The following RABGAP1L variants were observed in gnomAD, a reference collection of about 807,000 sequenced individuals.
RABGAP1L encodes the protein RAB GTPase activating protein 1 like, also known as rab GTPase-activating protein 1-like.
Under a neutral mutation model 137.7 loss-of-function variants are expected in RABGAP1L, and 63 were observed. The observed-to-expected ratio is 0.46, with a 90% CI of 0.37 to 0.56. The LOEUF (loss-of-function observed/expected upper bound fraction) is 0.56, where lower values mean the gene tolerates loss of function less well. Ranked by LOEUF, RABGAP1L falls within the 20% of genes least tolerant of loss-of-function variation. RABGAP1L has a pLI of 0.00. For synonymous variants in RABGAP1L, 431 were observed against 433.7 expected (o/e 0.99, Z 0.08); for missense variants, 1,095 against 1,244.0 (o/e 0.88, Z 1.80).
chr1:174,267,740 T>C (rs1674191737), intron 7 of RABGAP1L, among the ~76,000 whole-genome samples: 1 of 152,220 alleles, frequency 6.6e-6, no homozygotes, highest in South Asian at 2.1e-4. Flanking sequence ...ATTTTTGTGC[T>C]TCAAACAACG....
chr1:174,292,528 G>A (rs906163635), intron 10 of RABGAP1L, among the ~76,000 whole-genome samples: 3 of 151,760 alleles, frequency 2.0e-5, no homozygotes, highest in African/African-American at 7.3e-5. Flanking sequence ...TCATTCAGAA[G>A]CATATTGTTT....
Position 174,640,996 on chromosome 1 carries a change from A to G in RABGAP1L, c.1824+3508A>G, listed in dbSNP as rs3004198. On this transcript the variant is annotated intron_variant, in intron 14 of 25. Transcript: ENST00000681986. ...TATTAATTAAATATAATTTTAGATT[A>G]TATTAATTAAATATAATTAATTAAA... Among the ~76,000 whole-genome samples the G allele has an allele frequency of 2.9e-3, 421 of 142,928 alleles. 3 individuals carry two copies. Among genetic ancestry groups the G allele is most frequent in the African/African-American group, 0.01 (401 of 38,528 alleles). The allele number at this position is 142,928 out of a possible 152,430, so 93.8% of individuals were successfully genotyped here. A position where few individuals can be genotyped will look rare whatever the true frequency, so the allele number is the denominator to read the frequency against.
At chr1:174,812,751 G>A (rs1472839323) in intron 19 of RABGAP1L, among the ~76,000 whole-genome samples, 3 of 152,152 alleles carry the variant, frequency 2.0e-5, no homozygotes, top group Non-Finnish European at 4.4e-5. Flanking sequence ...AGAGAGTAGG[G>A]GAAGATAAAG....
At chr1:174,875,099 T>C (rs1652865330) in intron 19 of RABGAP1L, among the ~76,000 whole-genome samples, 1 of 152,218 alleles carries the variant, frequency 6.6e-6, no homozygotes, top group Non-Finnish European at 1.5e-5. Context: ...AGGTTATAAA[T>C]TATAGAAGCT....
At chr1:174,669,113 G>A (rs1676996035) in intron 14 of RABGAP1L, among the ~76,000 whole-genome samples, 1 of 152,140 alleles carries the variant, frequency 6.6e-6, no homozygotes, top group Admixed American at 6.5e-5. Flanking sequence ...CAGCATGGTG[G>A]GGAGGTGTCA....
intron 19 of RABGAP1L, chr1:174,874,386 G>T (rs73035396): frequency 7.6e-6 from 6 of 786,428 alleles, no homozygotes; most frequent in South Asian, 5.8e-5. Flanking sequence ...GAAACCTAGC[G>T]AAGTTAAATG....
chr1:174,326,497 A>G (rs1680452640), intron 11 of RABGAP1L, among the ~76,000 whole-genome samples: 2 of 152,150 alleles, frequency 1.3e-5, no homozygotes, highest in Admixed American at 6.5e-5. Context: ...TCAAAACTAT[A>G]TAGTTGGAGG....
intron 18 of RABGAP1L, among the ~76,000 whole-genome samples, chr1:174,769,923 T>A (rs1264263451): frequency 1.3e-5 from 2 of 152,192 alleles, no homozygotes; most frequent in Non-Finnish European, 2.9e-5. Flanking sequence ...TAGTCTTTGA[T>A]GTACCAACTT....
intron 18 of RABGAP1L, among the ~76,000 whole-genome samples, chr1:174,791,822 G>C (rs2148798891): frequency 6.6e-6 from 1 of 152,284 alleles, no homozygotes; most frequent in Admixed American, 6.5e-5. Context: ...GTGCTTATCA[G>C]TTAAAAATTG....
intron 13 of RABGAP1L, among the ~76,000 whole-genome samples, chr1:174,564,931 G>A (rs189311288): frequency 0.013 from 2,039 of 152,016 alleles, 46 homozygotes; most frequent in African/African-American, 0.045. Context: ...CCCCCTGCCC[G>A]AAAAAAGTTA....
chr1:174,680,890 A>G (rs949085377), intron 14 of RABGAP1L, among the ~76,000 whole-genome samples: 1 of 152,142 alleles, frequency 6.6e-6, no homozygotes, highest in Non-Finnish European at 1.5e-5. Flanking sequence ...CTGCCTCCAA[A>G]AAAAACAAAA....
chr1:174,784,392 T>C (rs537740330), intron 18 of RABGAP1L, among the ~76,000 whole-genome samples: 1 of 152,296 alleles, frequency 6.6e-6, no homozygotes, highest in East Asian at 1.9e-4. Context: ...TCTTTAGTGC[T>C]CTGTTGTCAA....
At chr1:174,252,230 G>C (rs144814127) in intron 6 of RABGAP1L, among the ~76,000 whole-genome samples, 14 of 152,166 alleles carry the variant, frequency 9.2e-5, no homozygotes, top group African/African-American at 3.1e-4. Flanking sequence ...TTTAACTTTG[G>C]TTAGCAGACA....
intron 11 of RABGAP1L, among the ~76,000 whole-genome samples, chr1:174,346,063 T>C (rs1300120411): frequency 2.0e-5 from 3 of 152,224 alleles, no homozygotes; most frequent in Non-Finnish European, 4.4e-5. Flanking sequence ...TTTGTGTATG[T>C]TGAATCATAC....
At chr1:174,834,424 C>T (rs1361713291) in intron 19 of RABGAP1L, among the ~76,000 whole-genome samples, 2 of 99,100 alleles carry the variant, frequency 2.0e-5, no homozygotes, top group Non-Finnish European at 4.8e-5. Flanking sequence ...GAAACTCCGT[C>T]TGAAAAAAAA....
At chr1:174,638,884 G>T (rs1355757347) in intron 14 of RABGAP1L, among the ~76,000 whole-genome samples, 37 of 131,378 alleles carry the variant, frequency 2.8e-4, no homozygotes, top group African/African-American at 1.0e-3. Flanking sequence ...TGGGGACTGT[G>T]GTGGGGTTGG....
chr1:174,274,049 C>G (rs571516860), intron 8 of RABGAP1L, among the ~76,000 whole-genome samples: 1 of 152,210 alleles, frequency 6.6e-6, no homozygotes, highest in Non-Finnish European at 1.5e-5. Context: ...TGAAGAGAAA[C>G]TCATTACCTT....
chr1:174,354,375 C>G (rs1057442973), intron 11 of RABGAP1L, among the ~76,000 whole-genome samples: 1 of 152,016 alleles, frequency 6.6e-6, no homozygotes, highest in Non-Finnish European at 1.5e-5. Flanking sequence ...AATTGATTGG[C>G]TGCCTTATAA....
intron 10 of RABGAP1L, among the ~76,000 whole-genome samples, chr1:174,281,258 T>TGCTGATTGGTCCATTTTACAGAGC (rs1431908734): frequency 2.6e-5 from 4 of 152,160 alleles, no homozygotes; most frequent in African/African-American, 9.7e-5. Context: ...GCCTGCGCCC[T>TGCTGATTGGTCCATTTTACAGAGC]GCTGATTGGT....
Sources: allele counts gnomAD v4.1 joint callset (sites outside exome capture counted in the v4.1 genomes callset), GRCh38; gene constraint gnomAD v4.1.1; transcripts MANE v1.5; gene names NCBI Gene and HGNC (gene_info 2026-07-23, HGNC 2026-07-21).